Variants in FLAD1 observed in about 807,000 individuals in gnomAD.
FLAD1 encodes bifunctional FAD diphosphatase/FAD synthase.
In FLAD1, 35 loss-of-function variants were observed where a neutral mutation model predicts 55.0. The ratio of observed to expected loss-of-function variants is 0.64; its 90% CI spans 0.49 to 0.84. The LOEUF is 0.84. Among genes scored for constraint, FLAD1 ranks in the 40% least tolerant of loss-of-function variants. The probability of loss-of-function intolerance (pLI) is 0.00; values close to 1 mark genes in which losing one functional copy is unlikely to be tolerated. For missense variants in FLAD1, 665 were observed against 742.6 expected, an observed-to-expected ratio of 0.90 and a Z score of 1.21; for synonymous variants, 267 against 303.0, an observed-to-expected ratio of 0.88 and a Z score of 1.23.
At position 154,983,496 on chromosome 1, in the gene FLAD1, T is replaced by G; in HGVS notation, c.-199T>G. 3 of 497,394 alleles carry G rather than the reference T, an allele frequency of 6.0e-6. No homozygotes were observed. The highest frequency in any genetic ancestry group is 3.6e-5 in the South Asian group (1 of 27,534). The allele number at this position is 497,394 out of a possible 1,614,324, so 30.8% of individuals were successfully genotyped here. Reference sequence around the variant, plus strand: ...AGCCTGAAGTAGAAAGAGACGGGATTTTGGTCCGGGGTGGAGAGCGAATGC... The same window carrying G: ...AGCCTGAAGTAGAAAGAGACGGGATGTTGGTCCGGGGTGGAGAGCGAATGC... On this transcript the variant is annotated 5_prime_UTR_variant, in exon 1 of 7. It adds an upstream start codon to the 5' untranslated region. Transcript: ENST00000292180.
intron 2 of FLAD1, 153 bp downstream of exon 2, chr1:154,989,002 TTGAG>T: frequency 6.8e-7 from 1 of 1,473,258 alleles, no homozygotes; most frequent in Non-Finnish European, 9.0e-7. Context: ...TAAATGTTGA[TTGAG>T]TACCTATTTT....
chr1:154,984,582 C>T (rs998348137), intron 1 of FLAD1, among the ~76,000 whole-genome samples: 3 of 151,980 alleles, frequency 2.0e-5, no homozygotes, highest in African/African-American at 7.3e-5. Flanking sequence ...GTGGTGCATG[C>T]CTGTAATCCC....
chr1:154,991,892 C>T (rs1017678999), intron 5 of FLAD1, among the ~76,000 whole-genome samples: 23 of 152,036 alleles, frequency 1.5e-4, no homozygotes, highest in African/African-American at 5.5e-4. Context: ...CCTGTAATCC[C>T]AGCACTTTGG....
chr1:154,992,442 CAAA>C (rs369797405), intron 5 of FLAD1: 2 of 780,460 alleles, frequency 2.6e-6, no homozygotes, highest in African/African-American at 2.1e-5. Context: ...GACTCCGTCT[CAAA>C]AAAAAAATAG....
chr1:154,986,019 C>CTG (rs57098553), intron 1 of FLAD1, among the ~76,000 whole-genome samples: 16,688 of 142,916 alleles, frequency 0.12, 1,077 homozygotes, highest in East Asian at 0.18. Flanking sequence ...CTGCGCCCGG[C>CTG]TGTGTGTGTG....
In FLAD1 at chr1:154,991,223, A is replaced by ATATATATATATATATATGT. The variant is rs58377614; in HGVS notation, c.1554+695_1554+696insTATATATATATATATATGT. On this transcript the variant is annotated intron_variant, in intron 5 of 6. Coordinates refer to ENST00000292180, the MANE Select transcript of FLAD1 (RefSeq NM_025207.5). The stretch of plus-strand genomic sequence containing the variant: ...CTCTGTCTCAAAAAAAAAAAAAAAA[A>ATATATATATATATATATGT]AAATATATATATATATATGTATATA... The ATATATATATATATATATGT allele has an allele frequency of 3.6e-4, 42 of 116,076 alleles. 1 individual carries two copies. The East Asian group carries it at 0.01, about 29-fold the overall frequency. The allele number at this position is 116,076 out of a possible 1,614,324, so 7.2% of individuals were successfully genotyped here.
In FLAD1 at chr1:154,990,261, C is replaced by T; in HGVS notation, c.1364+4C>T. On this transcript the variant is annotated splice_donor_region_variant and intron_variant, in intron 4 of 6. Coordinates refer to ENST00000292180, the MANE Select transcript of FLAD1 (RefSeq NM_025207.5). ...TTCTACAGGACACTATCAAGAGGTA[C>T]TAGGGGCCTGGAGGTTTGGGCTCCA... The T allele has an allele frequency of 6.2e-7, 1 of 1,613,766 alleles. No individual in the cohort carries two copies. Among genetic ancestry groups the T allele is most frequent in the Non-Finnish European group, 8.5e-7 (1 of 1,179,628 alleles).
In FLAD1 at chr1:154,990,169, G is replaced by A. The variant is rs777430060; in HGVS notation, c.1276G>A (p.Asp426Asn). ...CTTCCCCCTCTGCAGGAAATTACCT[G>A]ATGTTCCAAACCCCCTCCAGATCCT... Reference protein sequence around the residue: ...FHAAVQRKLPDVPNPLQILYI... With the variant: ...FHAAVQRKLPNVPNPLQILYI... Residue 426 changes from aspartate (D) to asparagine (N), a missense_variant, in exon 4 of 7, where the codon GAT becomes AAT. By Grantham distance (23) the Asp-to-Asn change is conservative. Transcript: ENST00000292180. 6.8e-6 allele frequency: 11 copies of A among 1,613,840 alleles called. No individual in the cohort carries two copies. The highest frequency in any genetic ancestry group is 9.3e-6 in the Non-Finnish European group (11 of 1,179,762).
intron 1 of FLAD1, among the ~76,000 whole-genome samples, chr1:154,986,042 T>A (rs144402334): frequency 0.046 from 6,999 of 151,666 alleles, 528 homozygotes; most frequent in African/African-American, 0.16. Context: ...TGTGTGTGTG[T>A]GTGTGTGTGT....
intron 1 of FLAD1, among the ~76,000 whole-genome samples, chr1:154,985,818 T>C (rs1400347980): frequency 6.8e-6 from 1 of 146,022 alleles, no homozygotes; most frequent in Non-Finnish European, 1.5e-5. Context: ...CTCCGCCTCC[T>C]GGGTTCAAGC....
Position 154,986,019 on chromosome 1 carries a change from CTGTGTG to C in FLAD1, c.372+1986_372+1991del, listed in dbSNP as rs57098553. On this transcript the variant is annotated intron_variant, in intron 1 of 6. Transcript: ENST00000292180. ...GGGAGGCATGAGCCACTGCGCCCGG[CTGTGTG>C]TGTGTGTGTGTGTGTGTGTGTGTGT... 9.0e-3 allele frequency among the ~76,000 whole-genome samples: 1,295 copies of C among 143,108 alleles called. 6 individuals carry two copies. The highest frequency in any genetic ancestry group is 0.013 in the Admixed American group (187 of 14,490). 93.9% of individuals were successfully genotyped at this position (143,108 alleles called of 152,430 possible).
intron 5 of FLAD1, 73 bp from the exon 6 acceptor site, chr1:154,992,640 C>T: frequency 1.9e-6 from 3 of 1,614,140 alleles, no homozygotes; most frequent in Non-Finnish European, 2.5e-6. Context: ...TGGATGGGCC[C>T]CTTCCCAGGA....
chr1:154,989,674 C>T lies in FLAD1; in HGVS notation c.1232C>T (p.Ala411Val), dbSNP rs747788623. Residue 411 changes from alanine to valine, a missense_variant, in exon 3 of 7, where the codon GCC becomes GTC. Ala to Val is a moderately conservative substitution (Grantham distance 64, BLOSUM62 0). Transcript: ENST00000292180. ...VGFNGGKDCT[A>V]LLHLFHAAVQ... ...TTCAACGGGGGCAAAGACTGCACTG[C>T]CCTCCTGCACCTCTTCCATGCAGCT... 2.5e-6 allele frequency: 4 copies of T among 1,574,994 alleles called. No individual in the cohort carries two copies. In the East Asian group the frequency reaches 9.2e-5, roughly 36 times the overall value.
intron 1 of FLAD1, among the ~76,000 whole-genome samples, chr1:154,986,357 C>CG (rs1238761075): frequency 6.6e-6 from 1 of 152,164 alleles, no homozygotes; most frequent in Non-Finnish European, 1.5e-5. Context: ...GCTGGGACTA[C>CG]AGGCGCCCGC....
Position 154,988,274 on chromosome 1 carries a change from C to G in FLAD1, c.542C>G (p.Pro181Arg). The change falls in exon 2 of 7, where the codon CCC becomes CGC. Residue 181 changes from proline (P) to arginine (R), a missense_variant. By Grantham distance (103) the Pro-to-Arg change is moderately radical. Transcript: ENST00000292180. ...THVLTAGGIG[P>R]THDDVTFEAV... ...GTCCTCACAGCAGGGGGCATCGGCCCCACTCATGATGATGTGACCTTTGAG... is the reference window on the plus strand; with the variant it reads ...GTCCTCACAGCAGGGGGCATCGGCCGCACTCATGATGATGTGACCTTTGAG... The G allele has an allele frequency of 6.2e-7, 1 of 1,614,190 alleles. No individual in the cohort carries two copies. The highest frequency in any genetic ancestry group is 1.6e-4 in the Middle Eastern group (1 of 6,062).
chr1:154,992,201 T>G (rs964484994), intron 5 of FLAD1, among the ~76,000 whole-genome samples: 6 of 148,792 alleles, frequency 4.0e-5, no homozygotes, highest in Admixed American at 6.7e-5. Flanking sequence ...TCCCAGCACT[T>G]TGGGAGGCCG....
At position 154,983,691 on chromosome 1, in the gene FLAD1, G is replaced by A; in HGVS notation, c.-4G>A. On this transcript the variant is annotated 5_prime_UTR_variant, in exon 1 of 7. Coordinates refer to ENST00000292180, the MANE Select transcript of FLAD1 (RefSeq NM_025207.5). ...CTAGAGCTAAGCAAGACATTTAAAA[G>A]GACATGGGTTGGGATTTGGGAACAC... 3 of 1,605,704 alleles carry A rather than the reference G, an allele frequency of 1.9e-6. No homozygotes were observed. The highest frequency in any genetic ancestry group is 2.6e-6 in the Non-Finnish European group (3 of 1,174,496).
chr1:154,990,309 G>A (rs1228413925), intron 4 of FLAD1, 30 bp from the exon 5 acceptor site: 4 of 1,613,374 alleles, frequency 2.5e-6, no homozygotes, highest in East Asian at 2.2e-5. Flanking sequence ...CAGAGCCCAC[G>A]CCCGACCCCT....
In FLAD1 at chr1:154,989,585, A is replaced by G; in HGVS notation, c.1143A>G (p.Ala381=). The change falls in exon 3 of 7, where the codon GCA becomes GCG. Residue 381 remains alanine (A), a synonymous_variant. Transcript: ENST00000292180. The part of the protein sequence containing the change: ...ESGSSLGKKV[A]GALQTIETSL... ...GGTCTTCTTTGGGGAAAAAGGTGGC[A>G]GGTGCCCTACAGACCATTGAGACCT... The G allele has an allele frequency of 6.3e-7, 1 of 1,586,792 alleles. No individual in the cohort carries two copies.
Sources: allele counts gnomAD v4.1 joint callset (sites outside exome capture counted in the v4.1 genomes callset), GRCh38; gene constraint gnomAD v4.1.1; transcripts MANE v1.5; gene names NCBI Gene and HGNC (gene_info 2026-07-23, HGNC 2026-07-21).